Variants in NAB1 observed in about 807,000 individuals in gnomAD.
NAB1 encodes the protein NGFI-A binding protein 1.
A neutral mutation model predicts 49.9 loss-of-function variants in NAB1; 25 were observed. The ratio of observed to expected loss-of-function variants is 0.50; its 90% confidence interval spans 0.37 to 0.70. The LOEUF is 0.70. NAB1 is among the 30% of genes least tolerant of loss of function. The pLI, the probability that NAB1 is intolerant of heterozygous loss-of-function variation, is 0.00. For missense variants in NAB1, 489 were observed against 575.9 expected (o/e 0.85, Z 1.54); for synonymous variants, 198 against 215.6 (o/e 0.92, Z 0.71).
chr2:190,667,806 T>C lies in NAB1; in HGVS notation c.820-2520T>C, dbSNP rs908775788. 3.9e-5 allele frequency among the ~76,000 whole-genome samples: 6 copies of C among 152,260 alleles called. No homozygotes were observed. Among genetic ancestry groups the C allele is most frequent in the African/African-American group, 1.4e-4 (6 of 41,548 alleles). On this transcript the variant is annotated intron_variant, in intron 4 of 9. Transcript: ENST00000337386. The surrounding 1 kb of genome is among the most constrained non-coding windows in gnomAD (Gnocchi z 4.4). ...ACTTAGGTGGGAAAAGTAAAACGAT[T>C]AGACTAAATTATGGAACATTTATAT...
rs1307584115 is a variant in NAB1, at chr2:190,688,605, CTA to C, written c.1375+1290_1375+1291del. Among the ~76,000 whole-genome samples the C allele has an allele frequency of 1.3e-5, 2 of 152,122 alleles. 1 individual carries two copies. Among genetic ancestry groups the C allele is most frequent in the Non-Finnish European group, 2.9e-5 (2 of 68,026 alleles). On this transcript the variant is annotated intron_variant, in intron 9 of 9. Coordinates refer to ENST00000337386, the MANE Select transcript of NAB1 (RefSeq NM_005966.4). The stretch of plus-strand genomic sequence containing the variant: ...ACCAATTTATATTCCTTAGAAGACT[CTA>C]TGTAACAGGAATACTCCAATTACAT...
chr2:190,650,332 C>A (rs1234542651), intron 2 of NAB1, among the ~76,000 whole-genome samples: 1 of 152,094 alleles, frequency 6.6e-6, no homozygotes, highest in Middle Eastern at 3.2e-3. Context: ...TTGCCAGTGA[C>A]GTGTCTGCCA....
Position 190,676,425 on chromosome 2 carries a change from A to G in NAB1, c.1005+3273A>G, listed in dbSNP as rs903898543. Among the ~76,000 whole-genome samples, 11 of 152,136 alleles carry G rather than the reference A, an allele frequency of 7.2e-5. No individual in the cohort carries two copies. The highest frequency in any genetic ancestry group is 2.7e-4 in the African/African-American group (11 of 41,420). On this transcript the variant is annotated intron_variant, in intron 6 of 9. Coordinates refer to ENST00000337386, the MANE Select transcript of NAB1 (RefSeq NM_005966.4). The surrounding 1 kb of genome is among the most constrained non-coding windows in gnomAD (Gnocchi z 4.6). ...TGTGATTCTCAGCTTGTTATTTTCT[A>G]TTTAAAGAAAGTAATATACAAGACT...
At chr2:190,688,181 A>G (rs1695714088) in intron 9 of NAB1, among the ~76,000 whole-genome samples, 1 of 152,254 alleles carries the variant, frequency 6.6e-6, no homozygotes, top group Non-Finnish European at 1.5e-5. Flanking sequence ...TAGATGAGGT[A>G]GCTAAAGCCA....
In NAB1 at chr2:190,651,011, C is replaced by T. The variant is rs1408543501; in HGVS notation, c.-197+1029C>T. Among the ~76,000 whole-genome samples the T allele has an allele frequency of 6.6e-6, 1 of 152,038 alleles. No homozygotes were observed. The highest frequency in any genetic ancestry group is 2.4e-5 in the African/African-American group (1 of 41,404). ...TTGCACTAAAGTTAATATGCCATTT[C>T]GAGATTAAAAATGTTTTTTTCCCGA... On this transcript the variant is annotated intron_variant, in intron 2 of 9. Transcript: ENST00000337386. The surrounding 1 kb of genome is among the most constrained non-coding windows in gnomAD (Gnocchi z 4.3).
intron 3 of NAB1, among the ~76,000 whole-genome samples, chr2:190,656,675 G>C (rs1022966683): frequency 1.3e-5 from 2 of 152,074 alleles, no homozygotes; most frequent in African/African-American, 4.8e-5. Context: ...GTAAAGATGA[G>C]AAAGGATAAA....
Position 190,685,423 on chromosome 2 carries a change from T to C in NAB1, c.1096-53T>C, listed in dbSNP as rs1574479849. 5 of 1,496,174 alleles carry C rather than the reference T, an allele frequency of 3.3e-6. No homozygotes were observed. The South Asian group carries it at 6.6e-5, about 20-fold the overall frequency. The allele number at this position is 1,496,174 out of a possible 1,614,324, so 92.7% of individuals were successfully genotyped here. ...TCTGAAATTGGCATCTTTAAACCATTAAAAAATCTAGAATGTTTCAGTTAC... is the reference window on the plus strand; with the variant it reads ...TCTGAAATTGGCATCTTTAAACCATCAAAAAATCTAGAATGTTTCAGTTAC... On this transcript the variant is annotated intron_variant, in intron 7 of 9. Transcript: ENST00000337386. The surrounding 1 kb of genome is among the most constrained non-coding windows in gnomAD (Gnocchi z 4.5).
chr2:190,665,868 GGT>G (rs1186482919), intron 4 of NAB1, among the ~76,000 whole-genome samples: 1 of 152,016 alleles, frequency 6.6e-6, no homozygotes, highest in Non-Finnish European at 1.5e-5. Context: ...CCTTACATTG[GGT>G]GTGTGTGGTG....
chr2:190,653,254 CT>C (rs549195361), intron 2 of NAB1, among the ~76,000 whole-genome samples: 112 of 152,282 alleles, frequency 7.4e-4, no homozygotes, highest in African/African-American at 2.6e-3. Context: ...CTCAGATTTC[CT>C]ATTTTCATTG....
chr2:190,658,798 C>T (rs986991153), intron 3 of NAB1, among the ~76,000 whole-genome samples: 1 of 152,242 alleles, frequency 6.6e-6, no homozygotes, highest in Non-Finnish European at 1.5e-5. Context: ...TACTCTGCTT[C>T]TTACCTCCTG....
intron 6 of NAB1, among the ~76,000 whole-genome samples, chr2:190,673,649 C>T (rs1226949581): frequency 6.6e-6 from 1 of 152,182 alleles, no homozygotes; most frequent in Non-Finnish European, 1.5e-5. Context: ...TCATCAAATA[C>T]AGAGGAGCTA....
Position 190,685,647 on chromosome 2 carries a change from T to G in NAB1, c.1258+9T>G, listed in dbSNP as rs1427150498. On this transcript the variant is annotated intron_variant, in intron 8 of 9. Coordinates refer to ENST00000337386, the MANE Select transcript of NAB1 (RefSeq NM_005966.4). This position sits in a 1 kb window ranked among gnomAD's most constrained non-coding sequence, Gnocchi z 4.5. The stretch of plus-strand genomic sequence containing the variant: ...TAACTCAGATGGACAAGGTACATCT[T>G]TAGAATATCCTATGCCTTTAGGGCC... 6.3e-7 allele frequency: 1 copy of G among 1,594,090 alleles called. No homozygotes were observed. The highest frequency in any genetic ancestry group is 2.3e-5 in the East Asian group (1 of 44,378).
intron 6 of NAB1, among the ~76,000 whole-genome samples, chr2:190,683,509 A>G (rs1194755196): frequency 6.6e-6 from 1 of 151,866 alleles, no homozygotes; most frequent in Non-Finnish European, 1.5e-5. Flanking sequence ...AGTGTAAAAC[A>G]ATAGGAATGA....
rs1204233347 is a variant in NAB1, at chr2:190,692,372, T to C, written c.*2039T>C. 6.6e-6 allele frequency: 1 copy of C among 152,644 alleles called. No homozygotes were observed. Among genetic ancestry groups the C allele is most frequent in the African/African-American group, 2.4e-5 (1 of 41,452 alleles). The allele number at this position is 152,644 out of a possible 1,614,324, so 9.5% of individuals were successfully genotyped here. On this transcript the variant is annotated 3_prime_UTR_variant, in exon 10 of 10. Coordinates refer to ENST00000337386, the MANE Select transcript of NAB1 (RefSeq NM_005966.4). The surrounding 1 kb of genome is among the most constrained non-coding windows in gnomAD (Gnocchi z 5.2). ...ATTGCATCTTTAAATTCATAATAAGTTTCCTTAACTATCTTATGTTTCTAG... is the reference window on the plus strand; with the variant it reads ...ATTGCATCTTTAAATTCATAATAAGCTTCCTTAACTATCTTATGTTTCTAG...
rs910205036 is a variant in NAB1 at position 190,692,241 on chromosome 2, T to A, written c.*1908T>A. On this transcript the variant is annotated 3_prime_UTR_variant, in exon 10 of 10. Coordinates refer to ENST00000337386, the MANE Select transcript of NAB1 (RefSeq NM_005966.4). The surrounding 1 kb of genome is among the most constrained non-coding windows in gnomAD (Gnocchi z 5.2). The stretch of plus-strand genomic sequence containing the variant: ...TATTTTGAAACATTTTGTTTTTTTT[T>A]AATTGTGTCTTACAGTCAAGTTTGT... 2.6e-5 allele frequency: 4 copies of A among 152,656 alleles called. No individual in the cohort carries two copies. Among genetic ancestry groups the A allele is most frequent in the East Asian group, 3.8e-4 (2 of 5,204 alleles). 9.5% of individuals were successfully genotyped at this position (152,656 alleles called of 1,614,324 possible). A position where few individuals can be genotyped will look rare whatever the true frequency, so the allele number is the denominator to read the frequency against.
chr2:190,671,640 A>C (rs1694812108), intron 5 of NAB1, among the ~76,000 whole-genome samples: 1 of 152,084 alleles, frequency 6.6e-6, no homozygotes, highest in Admixed American at 6.5e-5. Flanking sequence ...AAGTTGTATA[A>C]CATGTAAGGC....
rs755334650 is a variant in NAB1, at chr2:190,666,708, A to T, written c.820-3618A>T. Among the ~76,000 whole-genome samples, 3 of 152,148 alleles carry T rather than the reference A, an allele frequency of 2.0e-5. No individual in the cohort carries two copies. The highest frequency in any genetic ancestry group is 4.4e-5 in the Non-Finnish European group (3 of 68,004). The stretch of plus-strand genomic sequence containing the variant: ...ACTCCATCTCAAAAAAAAAAGAAAA[A>T]GGAAGCGAACTTTAAGAAATCTTTC... On this transcript the variant is annotated intron_variant, in intron 4 of 9. Coordinates refer to ENST00000337386, the MANE Select transcript of NAB1 (RefSeq NM_005966.4). This position sits in a 1 kb window ranked among gnomAD's most constrained non-coding sequence, Gnocchi z 5.6.
In NAB1 at chr2:190,651,856, C is replaced by T. The variant is rs1693684010; in HGVS notation, c.-197+1874C>T. 6.6e-6 allele frequency among the ~76,000 whole-genome samples: 1 copy of T among 152,096 alleles called. No individual in the cohort carries two copies. Among genetic ancestry groups the T allele is most frequent in the African/African-American group, 2.4e-5 (1 of 41,404 alleles). ...AAGATCATGCTAATGTATAATCAAC[C>T]CGTCTATGCATATTTCATTGTGGAA... is the stretch of plus-strand genomic sequence containing the variant. On this transcript the variant is annotated intron_variant, in intron 2 of 9. Transcript: ENST00000337386. The surrounding 1 kb of genome is among the most constrained non-coding windows in gnomAD (Gnocchi z 4.3).
intron 2 of NAB1, chr2:190,653,758 G>A (rs1693785575): frequency 6.6e-6 from 1 of 152,208 alleles, no homozygotes; most frequent in Non-Finnish European, 1.5e-5. Context: ...AGGATCTCAT[G>A]ACTGAACTTG....
Sources: gnomAD v4.1 joint callset for allele counts (sites outside exome capture counted in the v4.1 genomes callset) on GRCh38, gnomAD v4.1.1 for gene constraint, Gnocchi (gnomAD v3.1) non-coding constraint, MANE v1.5 for transcripts, NCBI Gene and HGNC (gene_info 2026-07-23, HGNC 2026-07-21) for gene names.